The following DEPDC5 variants were observed in gnomAD, a reference collection of about 807,000 sequenced individuals.
DEPDC5 encodes DEP domain containing 5, GATOR1 subcomplex subunit, also known as GATOR1 complex protein DEPDC5.
Under a neutral mutation model 217.3 loss-of-function variants are expected in DEPDC5, and 73 were observed. The observed-to-expected ratio is 0.34, with a 90% CI of 0.28 to 0.41. DEPDC5 has a LOEUF of 0.41. DEPDC5 is among the 10% of genes least tolerant of loss of function. DEPDC5 has a pLI of 1.00. For missense variants in DEPDC5, 1,675 were observed against 2,070.1 expected, an observed-to-expected ratio of 0.81 and a Z score of 3.70; for synonymous variants, 733 against 756.7, an observed-to-expected ratio of 0.97 and a Z score of 0.51.
At chr22:31,893,815 G>A in intron 39 of DEPDC5, 64 bp downstream of exon 39, 1 of 1,423,752 alleles carries the variant, frequency 7.0e-7, no homozygotes, top group South Asian at 1.6e-5. Context: ...GGAGATGCTT[G>A]ATAGAGATTC....
At chr22:31,899,417 C>T (rs2093609751) in intron 40 of DEPDC5, among the ~76,000 whole-genome samples, 1 of 151,468 alleles carries the variant, frequency 6.6e-6, no homozygotes, top group Non-Finnish European at 1.5e-5. Context: ...GTGACGTAGT[C>T]TCGCTCTGTC....
rs549791928 is a variant in DEPDC5, at chr22:31,875,059, C to T, written c.3696+654C>T. On this transcript the variant is annotated intron_variant, in intron 36 of 42. Coordinates refer to ENST00000651528, the MANE Select transcript of DEPDC5 (RefSeq NM_001242896.3). The stretch of plus-strand genomic sequence containing the variant: ...ATGGGAAACGGCCAGTTGACTGAGC[C>T]AGTTCATGCCATCCTGTCTATACGG... 8 of 155,384 alleles carry T rather than the reference C, an allele frequency of 5.1e-5. No individual in the cohort carries two copies. In the South Asian group the frequency reaches 1.5e-3, roughly 28 times the overall value. 9.6% of individuals were successfully genotyped at this position (155,384 alleles called of 1,614,324 possible). A position where few individuals can be genotyped will look rare whatever the true frequency, so the allele number is the denominator to read the frequency against.
At chr22:31,762,935 C>T (rs2082518380) in intron 4 of DEPDC5, among the ~76,000 whole-genome samples, 1 of 152,040 alleles carries the variant, frequency 6.6e-6, no homozygotes, top group African/African-American at 2.4e-5. Context: ...CTGCCTCAGC[C>T]TCCCAGGTAG....
intron 10 of DEPDC5, among the ~76,000 whole-genome samples, chr22:31,786,506 G>C (rs2148437629): frequency 6.9e-6 from 1 of 145,810 alleles, no homozygotes; most frequent in African/African-American, 2.5e-5. Context: ...TATTCTTTTT[G>C]AGATGGAGTC....
At chr22:31,835,568 A>C (rs1466489320) in intron 25 of DEPDC5, among the ~76,000 whole-genome samples, 1 of 152,212 alleles carries the variant, frequency 6.6e-6, no homozygotes, top group African/African-American at 2.4e-5. Flanking sequence ...CAGAAGGCTG[A>C]TGATGGCCAG....
intron 41 of DEPDC5, 101 bp from the exon 42 acceptor site, chr22:31,905,883 C>G: frequency 9.7e-7 from 1 of 1,033,426 alleles, no homozygotes; most frequent in Non-Finnish European, 1.4e-6. Flanking sequence ...TTCCAGATCT[C>G]TGTGTCTCAG....
At chr22:31,797,770 G>A in intron 13 of DEPDC5, 67 bp downstream of exon 13, 1 of 1,205,118 alleles carries the variant, frequency 8.3e-7, no homozygotes, top group Non-Finnish European at 1.2e-6. Context: ...GGGAGACAGA[G>A]AAGAGATGTG....
At chr22:31,842,815 G>A (rs190159430) in intron 27 of DEPDC5, among the ~76,000 whole-genome samples, 17 of 152,260 alleles carry the variant, frequency 1.1e-4, no homozygotes, top group Non-Finnish European at 2.1e-4. Flanking sequence ...CCTCTCCAGA[G>A]GATGAGGTAT....
At chr22:31,886,993 G>T (rs1175319797) in intron 38 of DEPDC5, among the ~76,000 whole-genome samples, 3 of 151,746 alleles carry the variant, frequency 2.0e-5, no homozygotes, top group Non-Finnish European at 4.4e-5. Flanking sequence ...TGAAGCAGGA[G>T]AATTGCTTGA....
intron 2 of DEPDC5, among the ~76,000 whole-genome samples, chr22:31,758,316 G>C (rs1017534386): frequency 9.2e-5 from 14 of 152,098 alleles, no homozygotes; most frequent in African/African-American, 3.4e-4. Flanking sequence ...TAGTAGAAAG[G>C]GCACAGGGTA....
chr22:31,904,476 C>T (rs562345648), intron 41 of DEPDC5, among the ~76,000 whole-genome samples: 3 of 152,352 alleles, frequency 2.0e-5, no homozygotes, highest in Admixed American at 2.0e-4. Flanking sequence ...GGTGTGGTGG[C>T]TCACGCCTGT....
intron 12 of DEPDC5, among the ~76,000 whole-genome samples, chr22:31,794,463 T>C (rs2086018347): frequency 6.6e-6 from 1 of 152,220 alleles, no homozygotes; most frequent in Non-Finnish European, 1.5e-5. Flanking sequence ...TTTATAGGTG[T>C]ATATGACTAT....
chr22:31,899,550 C>T (rs1033546466), intron 40 of DEPDC5, among the ~76,000 whole-genome samples: 1 of 152,026 alleles, frequency 6.6e-6, no homozygotes, highest in South Asian at 2.1e-4. Context: ...CATTCATGCC[C>T]AGGTAATTTT....
chr22:31,845,123 T>C lies in DEPDC5; in HGVS notation c.2907T>C (p.Tyr969=). ...ITEGEAHCDI[Y]GDRPRADEDE... ...AGGGGGAGGCCCACTGCGACATCTA[T>C]GGGGACAGGCCCCGTGCAGACGAGG... The change falls in exon 30 of 43, where the codon TAT becomes TAC. Residue 969 remains tyrosine (Y), a synonymous_variant. Coordinates refer to ENST00000651528, the MANE Select transcript of DEPDC5 (RefSeq NM_001242896.3). The C allele has an allele frequency of 6.2e-7, 1 of 1,614,166 alleles. No individual in the cohort carries two copies. The highest frequency in any genetic ancestry group is 8.5e-7 in the Non-Finnish European group (1 of 1,180,004).
chr22:31,777,871 C>T (rs1439262087), intron 7 of DEPDC5, among the ~76,000 whole-genome samples: 1 of 152,098 alleles, frequency 6.6e-6, no homozygotes, highest in Non-Finnish European at 1.5e-5. Context: ...CCTTAGCCTC[C>T]TGAGTAGCTG....
chr22:31,843,918 T>C lies in DEPDC5; in HGVS notation c.2801+106T>C, dbSNP rs986347154. The C allele has an allele frequency of 5.9e-5, 76 of 1,281,468 alleles. No homozygotes were observed. The East Asian group carries it at 1.7e-3, about 29-fold the overall frequency. 79.4% of individuals were successfully genotyped at this position (1,281,468 alleles called of 1,614,324 possible). A position where few individuals can be genotyped will look rare whatever the true frequency, so the allele number is the denominator to read the frequency against. On this transcript the variant is annotated intron_variant, in intron 29 of 42. Coordinates refer to ENST00000651528, the MANE Select transcript of DEPDC5 (RefSeq NM_001242896.3). Reference sequence around the variant, plus strand: ...TCTCTCTCTCTCCCTTTTTCTTTTTTTTTTTCTTTGTAAAGAGACAGGGTT... The same window carrying C: ...TCTCTCTCTCTCCCTTTTTCTTTTTCTTTTTCTTTGTAAAGAGACAGGGTT...
intron 20 of DEPDC5, among the ~76,000 whole-genome samples, chr22:31,812,560 G>C (rs1170716550): frequency 2.0e-5 from 3 of 150,154 alleles, no homozygotes; most frequent in Non-Finnish European, 4.4e-5. Flanking sequence ...GAGTAGCTGG[G>C]ACTACAGGCG....
intron 33 of DEPDC5, 36 bp downstream of exon 33, chr22:31,861,469 A>G (rs1406475538): frequency 1.3e-6 from 2 of 1,549,812 alleles, no homozygotes; most frequent in Admixed American, 2.0e-5. Flanking sequence ...TGCCTGTCCC[A>G]CTGGCAGACG....
intron 29 of DEPDC5, 112 bp from the exon 30 acceptor site, chr22:31,844,906 A>G (rs2149021726): frequency 9.4e-7 from 1 of 1,068,732 alleles, no homozygotes; most frequent in Non-Finnish European, 1.4e-6. Context: ...AAATGAGCAC[A>G]TACTCATGGG....
Sources: gnomAD v4.1 joint callset for allele counts (sites outside exome capture counted in the v4.1 genomes callset) on GRCh38, gnomAD v4.1.1 for gene constraint, MANE v1.5 for transcripts, NCBI Gene and HGNC (gene_info 2026-07-23, HGNC 2026-07-21) for gene names.